ZNF276: variants seen among roughly 807,000 people sequenced by gnomAD.
ZNF276 encodes the protein centromere protein Z.
A neutral mutation model predicts 63.9 loss-of-function variants in ZNF276; 59 were observed. The observed-to-expected ratio is 0.92, with a 90% confidence interval of 0.75 to 1.15. The LOEUF (loss-of-function observed/expected upper bound fraction) is 1.15, where lower values mean the gene tolerates loss of function less well. Ranked by LOEUF, ZNF276 falls within the 50% of genes most tolerant of loss-of-function variation. The pLI, the probability that ZNF276 is intolerant of heterozygous loss-of-function variation, is 0.00. For missense variants in ZNF276, 1,084 were observed against 843.8 expected, an observed-to-expected ratio of 1.28 and a Z score of -3.53; for synonymous variants, 496 against 348.4, an observed-to-expected ratio of 1.42 and a Z score of -4.72.
chr16:89,737,558 T>G, intron 9 of ZNF276: 1 of 555,736 alleles, frequency 1.8e-6, no homozygotes, highest in South Asian at 2.6e-5. Flanking sequence ...GTTAAGGAAA[T>G]AGCTTTCTGA....
rs771288582 is a variant in ZNF276 at position 89,723,648 on chromosome 16, C to T, written c.945C>T (p.Asp315=). 22 of 1,612,492 alleles carry T rather than the reference C, an allele frequency of 1.4e-5. No individual in the cohort carries two copies. Among genetic ancestry groups the T allele is most frequent in the South Asian group, 1.1e-4 (10 of 91,086 alleles). Residue 315 remains aspartate (D), a synonymous_variant, in exon 4 of 11, where the codon GAC becomes GAT. Coordinates refer to ENST00000443381, the MANE Select transcript of ZNF276 (RefSeq NM_001113525.2). ...TGGCCCAGCCTCCTTCGGACAGCGA[C>T]GCGGTGGGGCCCAGGTCGGGCTTCC... is the stretch of plus-strand genomic sequence containing the variant. ...TDVAQPPSDS[D]AVGPRSGFPP... is the part of the protein sequence containing the mutation.
chr16:89,740,304 C>T lies in ZNF276; in HGVS notation c.*2058C>T. On this transcript the variant is annotated 3_prime_UTR_variant, in exon 11 of 11. Transcript: ENST00000443381. ...GGAGGCCAGGGACTTCGAGCACCCA[C>T]ACCAAGGCTGCTGCACCACGTCCTC... 3.4e-6 allele frequency: 2 copies of T among 594,270 alleles called. No homozygotes were observed. The highest frequency in any genetic ancestry group is 6.0e-6 in the Non-Finnish European group (2 of 332,290). 36.8% of individuals were successfully genotyped at this position (594,270 alleles called of 1,614,324 possible).
intron 6 of ZNF276, 166 bp from the exon 7 acceptor site, chr16:89,733,136 C>CA (rs2061730676): frequency 1.5e-6 from 1 of 672,328 alleles, no homozygotes; most frequent in Non-Finnish European, 2.6e-6. Flanking sequence ...GCCTCCTGTC[C>CA]AGAGTTGCTC....
chr16:89,740,320 C>T lies in ZNF276; in HGVS notation c.*2074C>T. 1 of 577,032 alleles carries T rather than the reference C, an allele frequency of 1.7e-6. No homozygotes were observed. The highest frequency in any genetic ancestry group is 2.0e-5 in the South Asian group (1 of 50,032). The allele number at this position is 577,032 out of a possible 1,614,324, so 35.7% of individuals were successfully genotyped here. A position where few individuals can be genotyped will look rare whatever the true frequency, so the allele number is the denominator to read the frequency against. On this transcript the variant is annotated 3_prime_UTR_variant, in exon 11 of 11. Transcript: ENST00000443381. ...GAGCACCCACACCAAGGCTGCTGCA[C>T]CACGTCCTCAAATAAGACATTAAAA...
rs55638565 is a variant in ZNF276 at position 89,739,819 on chromosome 16, C to T, written c.*1573C>T. 2.0e-4 allele frequency: 294 copies of T among 1,467,922 alleles called. 2 individuals are homozygous for T. The East Asian group carries it at 7.1e-3, about 35-fold the overall frequency. 90.9% of individuals were successfully genotyped at this position (1,467,922 alleles called of 1,614,324 possible). A position where few individuals can be genotyped will look rare whatever the true frequency, so the allele number is the denominator to read the frequency against. ...ATTGGTCCTGGGGTTGACCAGTGAG[C>T]CAGTAAATTATCTTATTGCTTTAAA... On this transcript the variant is annotated 3_prime_UTR_variant, in exon 11 of 11. Transcript: ENST00000443381.
intron 4 of ZNF276, among the ~76,000 whole-genome samples, chr16:89,725,206 C>G (rs187303824): frequency 6.7e-6 from 1 of 150,018 alleles, no homozygotes; most frequent in Admixed American, 6.6e-5. Context: ...TGCCACCACG[C>G]CCACCTAATT....
chr16:89,740,184 G>GAAAT lies in ZNF276; in HGVS notation c.*1938_*1939insAAAT. On this transcript the variant is annotated 3_prime_UTR_variant, in exon 11 of 11. Transcript: ENST00000443381. ...GGGTACAGCCCTCAGCACAGAAGAG[G>GAAAT]GCATTTCCTCTTTGCTTATTGTAAG... 3 of 1,060,396 alleles carry GAAAT rather than the reference G, an allele frequency of 2.8e-6. No homozygotes were observed. The highest frequency in any genetic ancestry group is 4.4e-6 in the Non-Finnish European group (3 of 676,534). 65.7% of individuals were successfully genotyped at this position (1,060,396 alleles called of 1,614,324 possible).
At chr16:89,721,958 C>A in intron 1 of ZNF276, 113 bp downstream of exon 1, 1 of 730,492 alleles carries the variant, frequency 1.4e-6, no homozygotes, top group Non-Finnish European at 1.8e-6. Context: ...CGGCCAAGGG[C>A]GTAGCGGACT....
Position 89,721,577 on chromosome 16 carries a change from C to A in ZNF276, c.-64C>A. The A allele has an allele frequency of 7.0e-7, 1 of 1,429,906 alleles. No individual in the cohort carries two copies. The highest frequency in any genetic ancestry group is 9.2e-7 in the Non-Finnish European group (1 of 1,086,152). The allele number at this position is 1,429,906 out of a possible 1,614,324, so 88.6% of individuals were successfully genotyped here. A position where few individuals can be genotyped will look rare whatever the true frequency, so the allele number is the denominator to read the frequency against. ...CAGCGCGCCGAGCGGAGCCTAACGC[C>A]GGGTCCTCTAGGAACCTCGGGCCGG... On this transcript the variant is annotated 5_prime_UTR_variant, in exon 1 of 11. Transcript: ENST00000443381.
At chr16:89,726,608 G>T (rs1218081573) in intron 4 of ZNF276, among the ~76,000 whole-genome samples, 1 of 152,046 alleles carries the variant, frequency 6.6e-6, no homozygotes, top group Non-Finnish European at 1.5e-5. Flanking sequence ...TGGGATTACA[G>T]GCGTGAGCCA....
Position 89,723,417 on chromosome 16 carries a change from C to G in ZNF276, c.714C>G (p.His238Gln). The change falls in exon 4 of 11, where the codon CAC (histidine) becomes CAG (glutamine). Residue 238 changes from histidine to glutamine, a missense_variant. By Grantham distance (24) the His-to-Gln change is conservative. Transcript: ENST00000443381. ...TCGTGTGGGGCTGCGACCAGGGCCA[C>G]GACTACACCATGGATACCAGCTCCA... ...IQVVWGCDQG[H>Q]DYTMDTSSSC... The G allele has an allele frequency of 6.2e-7, 1 of 1,613,002 alleles. No homozygotes were observed. The highest frequency in any genetic ancestry group is 8.5e-7 in the Non-Finnish European group (1 of 1,179,998).
chr16:89,722,573 A>T lies in ZNF276; in HGVS notation c.248A>T (p.His83Leu), dbSNP rs2061331245. 6.2e-7 allele frequency: 1 copy of T among 1,612,276 alleles called. No homozygotes were observed. The highest frequency in any genetic ancestry group is 8.5e-7 in the Non-Finnish European group (1 of 1,179,990). ...GCCATGGGTCACTGTCGCCTCTGCCACGGGAAGTTTTCCTCGAGAAGCCTG... is the reference window on the plus strand; with the variant it reads ...GCCATGGGTCACTGTCGCCTCTGCCTCGGGAAGTTTTCCTCGAGAAGCCTG... ...ALAMGHCRLC[H>L]GKFSSRSLRS... is the part of the protein sequence containing the mutation. Residue 83 changes from histidine to leucine, a missense_variant, in exon 2 of 11, where the codon CAC becomes CTC. Transcript: ENST00000443381.
At position 89,722,558 on chromosome 16, in the gene ZNF276, A is replaced by G; in HGVS notation, c.233A>G (p.His78Arg). 6.2e-7 allele frequency: 1 copy of G among 1,612,398 alleles called. No individual in the cohort carries two copies. Among genetic ancestry groups the G allele is most frequent in the Non-Finnish European group, 8.5e-7 (1 of 1,179,918 alleles). The change falls in exon 2 of 11, where the codon CAC (histidine) becomes CGC (arginine). Residue 78 changes from histidine (H) to arginine (R), a missense_variant. By Grantham distance (29) the His-to-Arg change is conservative. Coordinates refer to ENST00000443381, the MANE Select transcript of ZNF276 (RefSeq NM_001113525.2). ...GCAGGCCGGGCTCTCGCCATGGGTC[A>G]CTGTCGCCTCTGCCACGGGAAGTTT... ...AGAGRALAMGHCRLCHGKFSS... is the reference protein window; with the variant it reads ...AGAGRALAMGRCRLCHGKFSS...
At chr16:89,720,887 G>T (rs1052705449), upstream of ZNF276, 1 of 1,333,886 alleles carries the variant, frequency 7.5e-7, no homozygotes, top group South Asian at 1.9e-5. Context: ...AGGCGGCGGC[G>T]GTAGCCGAGG....
rs1454762616 is a variant in ZNF276, at chr16:89,739,885, T to TA, written c.*1642dup. The TA allele has an allele frequency of 6.4e-7, 1 of 1,563,530 alleles. No homozygotes were observed. The highest frequency in any genetic ancestry group is 8.7e-7 in the Non-Finnish European group (1 of 1,156,034). On this transcript the variant is annotated 3_prime_UTR_variant, in exon 11 of 11. Coordinates refer to ENST00000443381, the MANE Select transcript of ZNF276 (RefSeq NM_001113525.2). ...TCTGTCCCAACTAAAATGGAGCTTA[T>TA]AAACTTACTTAGCAAGGAACCTCAA...
In ZNF276 at chr16:89,734,058, C is replaced by T. The variant is rs566446783; in HGVS notation, c.1474+20C>T. ...ACACAGGTACGCCTATCGCCAGTGT[C>T]GCCCACGCGGGTGACAGCCAGGGGC... On this transcript the variant is annotated intron_variant, in intron 9 of 10. Coordinates refer to ENST00000443381, the MANE Select transcript of ZNF276 (RefSeq NM_001113525.2). 51 of 1,608,158 alleles carry T rather than the reference C, an allele frequency of 3.2e-5. No individual in the cohort carries two copies. The highest frequency in any genetic ancestry group is 4.0e-5 in the African/African-American group (3 of 74,950).
In ZNF276 at chr16:89,740,168, C is replaced by T. The variant is rs1598055816; in HGVS notation, c.*1922C>T. 6.5e-6 allele frequency: 8 copies of T among 1,226,340 alleles called. No individual in the cohort carries two copies. The highest frequency in any genetic ancestry group is 2.3e-4 in the Middle Eastern group (1 of 4,282). The allele number at this position is 1,226,340 out of a possible 1,614,324, so 76.0% of individuals were successfully genotyped here. On this transcript the variant is annotated 3_prime_UTR_variant, in exon 11 of 11. Transcript: ENST00000443381. Reference sequence around the variant, plus strand: ...GCTCCCATGGGTAGGAGGGTACAGCCCTCAGCACAGAAGAGGGCATTTCCT... The same window carrying T: ...GCTCCCATGGGTAGGAGGGTACAGCTCTCAGCACAGAAGAGGGCATTTCCT...
Position 89,739,789 on chromosome 16 carries a change from G to A in ZNF276, c.*1543G>A. 1 of 1,467,246 alleles carries A rather than the reference G, an allele frequency of 6.8e-7. No homozygotes were observed. Among genetic ancestry groups the A allele is most frequent in the East Asian group, 2.5e-5 (1 of 40,408 alleles). The allele number at this position is 1,467,246 out of a possible 1,614,324, so 90.9% of individuals were successfully genotyped here. On this transcript the variant is annotated 3_prime_UTR_variant, in exon 11 of 11. Coordinates refer to ENST00000443381, the MANE Select transcript of ZNF276 (RefSeq NM_001113525.2). ...GCAGAGAGAGGCAGTCCCCATGATAGGCCCATTGGTCCTGGGGTTGACCAG... is the reference window on the plus strand; with the variant it reads ...GCAGAGAGAGGCAGTCCCCATGATAAGCCCATTGGTCCTGGGGTTGACCAG...
chr16:89,733,669 C>G (rs930842615), intron 8 of ZNF276, 112 bp downstream of exon 8: 3 of 1,280,438 alleles, frequency 2.3e-6, no homozygotes, highest in African/African-American at 2.9e-5. Flanking sequence ...ACACTTTGAC[C>G]TAGGTTAACC....
Sources: allele counts gnomAD v4.1 joint callset (sites outside exome capture counted in the v4.1 genomes callset), GRCh38; gene constraint gnomAD v4.1.1; transcripts MANE v1.5; gene names NCBI Gene and HGNC (gene_info 2026-07-23, HGNC 2026-07-21).